ERVV-2: variants seen among roughly 807,000 people sequenced by gnomAD.
ERVV-2 encodes the protein endogenous retrovirus group V member 2, envelope, also known as endogenous retrovirus group V member 2 Env polyprotein.
For synonymous variants in ERVV-2, 105 were observed against 184.6 expected, an observed-to-expected ratio of 0.57 and a Z score of 3.49; for missense variants, 291 against 495.1, an observed-to-expected ratio of 0.59 and a Z score of 3.91.
chr19:53,045,383 A>G (rs1473825125), intron 1 of ERVV-2, among the ~76,000 whole-genome samples: 1 of 150,722 alleles, frequency 6.6e-6, no homozygotes, highest in Non-Finnish European at 1.5e-5. Flanking sequence ...GCTCACTGCA[A>G]CCTCCACCTC....
chr19:53,046,246 G>C (rs1405800010), intron 1 of ERVV-2, among the ~76,000 whole-genome samples: 1 of 151,612 alleles, frequency 6.6e-6, no homozygotes, highest in African/African-American at 2.4e-5. Flanking sequence ...TGGGCAACAA[G>C]AGCGAAACTC....
chr19:53,050,610 C>A lies in ERVV-2; in HGVS notation c.1359C>A (p.Ser453=). ...AGGCTGTGAAGTCTGCCCTCCCCTC[C>A]CTCAACTGGTTTGTCCCTTTACTGG... ...IWEAVKSALP[S]LNWFVPLLGP... is the part of the protein sequence containing the mutation. Residue 453 remains serine (S), a synonymous_variant, in exon 2 of 2, where the codon TCC becomes TCA. Coordinates refer to ENST00000601417, the MANE Select transcript of ERVV-2 (RefSeq NM_001191055.2). 1 of 1,162,780 alleles carries A rather than the reference C, an allele frequency of 8.6e-7. No individual in the cohort carries two copies. The highest frequency in any genetic ancestry group is 1.2e-6 in the Non-Finnish European group (1 of 806,426). The allele number at this position is 1,162,780 out of a possible 1,614,324, so 72.0% of individuals were successfully genotyped here. A position where few individuals can be genotyped will look rare whatever the true frequency, so the allele number is the denominator to read the frequency against.
In ERVV-2 at chr19:53,050,947, C is replaced by A. The variant is rs756953225; in HGVS notation, c.*88C>A. 1.1e-3 allele frequency: 1,362 copies of A among 1,235,904 alleles called. 2 individuals carry two copies. Among genetic ancestry groups the A allele is most frequent in the Non-Finnish European group, 1.4e-3 (1,262 of 917,844 alleles). 76.6% of individuals were successfully genotyped at this position (1,235,904 alleles called of 1,614,324 possible). The stretch of plus-strand genomic sequence containing the variant: ...AGAAGACCCACGACGTCCTTACAAC[C>A]AGAGCTTTTCAGGGTCTCCATCTCT... On this transcript the variant is annotated 3_prime_UTR_variant, in exon 2 of 2. Coordinates refer to ENST00000601417, the MANE Select transcript of ERVV-2 (RefSeq NM_001191055.2).
rs1195789439 is a variant in ERVV-2 at position 53,049,866 on chromosome 19, T to C, written c.615T>C (p.Thr205=). 16 of 1,535,014 alleles carry C rather than the reference T, an allele frequency of 1.0e-5. No homozygotes were observed. Among genetic ancestry groups the C allele is most frequent in the Non-Finnish European group, 1.1e-5 (13 of 1,146,638 alleles). ...TATATTCGCTTCCCAAGGCACACAC[T>C]GTCCCCACATGGCCAAAATCTACTG... ...RVLYSLPKAH[T]VPTWPKSTVP... Residue 205 remains threonine (T), a synonymous_variant, in exon 2 of 2, where the codon ACT becomes ACC. Transcript: ENST00000601417.
rs57887970 is a variant in ERVV-2, at chr19:53,051,136, C to CTTTTTTTTTTTTTTT, written c.*291_*305dup. ...TAACCCATCCTAGAACAGCCTTTTG[C>CTTTTTTTTTTTTTTT]TTTTTTTTTTTTTTTTTTTTTTTTT... On this transcript the variant is annotated 3_prime_UTR_variant, in exon 2 of 2. Coordinates refer to ENST00000601417, the MANE Select transcript of ERVV-2 (RefSeq NM_001191055.2). The CTTTTTTTTTTTTTTT allele has an allele frequency of 1.0e-4, 11 of 110,032 alleles. 2 individuals are homozygous for CTTTTTTTTTTTTTTT. Among genetic ancestry groups the CTTTTTTTTTTTTTTT allele is most frequent in the African/African-American group, 4.3e-4 (9 of 21,146 alleles). The allele number at this position is 110,032 out of a possible 1,614,324, so 6.8% of individuals were successfully genotyped here.
chr19:53,046,389 G>C (rs1360543062), intron 1 of ERVV-2, among the ~76,000 whole-genome samples: 1 of 152,168 alleles, frequency 6.6e-6, no homozygotes, highest in Non-Finnish European at 1.5e-5. Flanking sequence ...AGGGTCACCT[G>C]TGACCACTTC....
rs112760341 is a variant in ERVV-2 at position 53,051,534 on chromosome 19, C to T, written c.*675C>T. ...GCCCAGCCATTAGTAGGAGTAGACA[C>T]GTCCTTTTGATCAGCCCGCCCTGTT... On this transcript the variant is annotated 3_prime_UTR_variant, in exon 2 of 2. Coordinates refer to ENST00000601417, the MANE Select transcript of ERVV-2 (RefSeq NM_001191055.2). 3.9e-3 allele frequency among the ~76,000 whole-genome samples: 592 copies of T among 152,256 alleles called. 8 individuals are homozygous for T. Among genetic ancestry groups the T allele is most frequent in the African/African-American group, 0.013 (560 of 41,552 alleles).
chr19:53,047,048 A>C (rs1378759939), intron 1 of ERVV-2, among the ~76,000 whole-genome samples: 1 of 152,086 alleles, frequency 6.6e-6, no homozygotes, highest in Non-Finnish European at 1.5e-5. Flanking sequence ...TATCCCAGCT[A>C]TTCAGGCGGC....
chr19:53,045,754 G>A (rs1394236287), intron 1 of ERVV-2, among the ~76,000 whole-genome samples: 8 of 152,256 alleles, frequency 5.3e-5, no homozygotes, highest in African/African-American at 9.6e-5. Flanking sequence ...CCTCGCCGCA[G>A]GGATTTCATG....
rs2083912237 is a variant in ERVV-2 at position 53,051,136 on chromosome 19, C to CTTTTTTTTTTTTTTGTTTTTTT, written c.*291_*292insGTTTTTTTTTTTTTTTTTTTTT. On this transcript the variant is annotated 3_prime_UTR_variant, in exon 2 of 2. Transcript: ENST00000601417. The stretch of plus-strand genomic sequence containing the variant: ...TAACCCATCCTAGAACAGCCTTTTG[C>CTTTTTTTTTTTTTTGTTTTTTT]TTTTTTTTTTTTTTTTTTTTTTTTT... 1 of 110,032 alleles carries CTTTTTTTTTTTTTTGTTTTTTT rather than the reference C, an allele frequency of 9.1e-6. No homozygotes were observed. The highest frequency in any genetic ancestry group is 4.7e-5 in the African/African-American group (1 of 21,146). 6.8% of individuals were successfully genotyped at this position (110,032 alleles called of 1,614,324 possible).
Position 53,051,023 on chromosome 19 carries a change from A to T in ERVV-2, c.*164A>T. The T allele has an allele frequency of 3.1e-6, 2 of 640,864 alleles. No individual in the cohort carries two copies. The highest frequency in any genetic ancestry group is 1.8e-5 in the African/African-American group (1 of 54,322). The allele number at this position is 640,864 out of a possible 1,614,324, so 39.7% of individuals were successfully genotyped here. On this transcript the variant is annotated 3_prime_UTR_variant, in exon 2 of 2. Coordinates refer to ENST00000601417, the MANE Select transcript of ERVV-2 (RefSeq NM_001191055.2). ...AGGTAGGCAGGCATGAGCAGGCAAG[A>T]GAGCCCTTGGGAAAGGAATCTTTAG...
At chr19:53,046,450 G>A (rs1188563005) in intron 1 of ERVV-2, among the ~76,000 whole-genome samples, 1 of 152,172 alleles carries the variant, frequency 6.6e-6, no homozygotes, top group Non-Finnish European at 1.5e-5. Flanking sequence ...GGCCACAGGA[G>A]ACTGCTTTCT....
In ERVV-2 at chr19:53,049,939, G is replaced by T. The variant is rs1366417796; in HGVS notation, c.688G>T (p.Ala230Ser). Residue 230 changes from alanine to serine, a missense_variant, in exon 2 of 2, where the codon GCA becomes TCA. By Grantham distance (99) the Ala-to-Ser change is moderately conservative. Transcript: ENST00000601417. ...LSPACNQTIPAGWKSQLHKWF... is the reference protein window; with the variant it reads ...LSPACNQTIPSGWKSQLHKWF... ...CCCTGCATGCAATCAAACTATTCCA[G>T]CAGGGTGGAAATCGCAGTTACACAA... 3.3e-6 allele frequency: 5 copies of T among 1,523,886 alleles called. No homozygotes were observed. The East Asian group carries it at 7.4e-5, about 23-fold the overall frequency. 94.4% of individuals were successfully genotyped at this position (1,523,886 alleles called of 1,614,324 possible).
chr19:53,049,474 ATC>A lies in ERVV-2; in HGVS notation c.224_225del (p.Ile75ThrfsTer2), dbSNP rs2083903358. 1.6e-6 allele frequency: 1 copy of A among 637,500 alleles called. No individual in the cohort carries two copies. Among genetic ancestry groups the A allele is most frequent in the Non-Finnish European group, 2.4e-6 (1 of 415,798 alleles). 39.5% of individuals were successfully genotyped at this position (637,500 alleles called of 1,614,324 possible). On this transcript the variant is annotated frameshift_variant, in exon 2 of 2. Transcript: ENST00000601417. LOFTEE classifies it low-confidence loss of function (END_TRUNC). ...FSLNLTFGSG[I>X]PEGQHKSVPL... Reference sequence around the variant, plus strand: ...TTTAAACCTAACATTTGGTTCAGGAATCCCTGAAGGCCAACATAAATCTGTTC... The same window carrying A: ...TTTAAACCTAACATTTGGTTCAGGAACCTGAAGGCCAACATAAATCTGTTC...
rs1432367841 is a variant in ERVV-2, at chr19:53,050,777, G to A, written c.1526G>A (p.Gly509Asp). The A allele has an allele frequency of 9.1e-6, 14 of 1,535,964 alleles. No homozygotes were observed. The highest frequency in any genetic ancestry group is 1.4e-5 in the African/African-American group (1 of 73,028). ...AGATATCAGCTATCTGTCATTGGAGGCCCCAGCACCTATAAGCACATCTCC... is the reference window on the plus strand; with the variant it reads ...AGATATCAGCTATCTGTCATTGGAGACCCCAGCACCTATAAGCACATCTCC... Reference protein sequence around the residue: ...MERYQLSVIGGPSTYKHISPL... With the variant: ...MERYQLSVIGDPSTYKHISPL... Residue 509 changes from glycine to aspartate, a missense_variant, in exon 2 of 2, where the codon GGC becomes GAC. Coordinates refer to ENST00000601417, the MANE Select transcript of ERVV-2 (RefSeq NM_001191055.2).
chr19:53,046,293 C>T lies in ERVV-2; in HGVS notation c.-386+1335C>T, dbSNP rs77190453. Among the ~76,000 whole-genome samples, 584 of 152,034 alleles carry T rather than the reference C, an allele frequency of 3.8e-3. 4 individuals are homozygous for T. Among genetic ancestry groups the T allele is most frequent in the African/African-American group, 0.012 (496 of 41,484 alleles). ...AAAAAAGAAAGAAAGAAATCCCTCA[C>T]TTATTATTGGGTCCTTCTCCGCCTG... On this transcript the variant is annotated intron_variant, in intron 1 of 1. Transcript: ENST00000601417.
At chr19:53,046,294 T>C (rs1233892399) in intron 1 of ERVV-2, among the ~76,000 whole-genome samples, 1 of 151,800 alleles carries the variant, frequency 6.6e-6, no homozygotes, top group Non-Finnish European at 1.5e-5. Context: ...AATCCCTCAC[T>C]TATTATTGGG....
chr19:53,046,816 C>A (rs1007361284), intron 1 of ERVV-2, among the ~76,000 whole-genome samples: 1 of 152,186 alleles, frequency 6.6e-6, no homozygotes, highest in Non-Finnish European at 1.5e-5. Flanking sequence ...CTTTCGGAGG[C>A]CAAGGCGGGC....
intron 1 of ERVV-2, among the ~76,000 whole-genome samples, chr19:53,045,318 GGGA>G (rs1485390402): frequency 5.1e-5 from 7 of 136,190 alleles, no homozygotes; most frequent in African/African-American, 1.1e-4. Context: ...TTTTGTGGGG[GGGA>G]GGACAGAGTC....
Sources: gnomAD v4.1 joint callset for allele counts (sites outside exome capture counted in the v4.1 genomes callset) on GRCh38, gnomAD v4.1.1 for gene constraint, MANE v1.5 for transcripts, NCBI Gene and HGNC (gene_info 2026-07-23, HGNC 2026-07-21) for gene names.